POLRMT: variants seen among roughly 807,000 people sequenced by gnomAD.
POLRMT encodes the protein DNA-directed RNA polymerase, mitochondrial.
In POLRMT, 114 loss-of-function variants were observed where a neutral mutation model predicts 132.2. The observed-to-expected ratio is 0.86, with a 90% CI of 0.74 to 1.01. The LOEUF (loss-of-function observed/expected upper bound fraction) is 1.01. POLRMT is among the 50% of genes least tolerant of loss of function. The probability of loss-of-function intolerance (pLI) is 0.00; values close to 1 mark genes in which losing one functional copy is unlikely to be tolerated. For synonymous variants in POLRMT, 1,020 were observed against 773.4 expected, an observed-to-expected ratio of 1.32 and a Z score of -5.29; for missense variants, 2,003 against 1,729.1, an observed-to-expected ratio of 1.16 and a Z score of -2.81.
chr19:617,858 G>A lies in POLRMT; in HGVS notation c.3423-9C>T, dbSNP rs778496835. The A allele has an allele frequency of 5.0e-6, 8 of 1,612,768 alleles. No individual in the cohort carries two copies. Among genetic ancestry groups the A allele is most frequent in the African/African-American group, 1.3e-5 (1 of 75,008 alleles). On this transcript the variant is annotated splice_polypyrimidine_tract_variant and intron_variant, in intron 17 of 20. Coordinates refer to ENST00000588649, the MANE Select transcript of POLRMT (RefSeq NM_005035.4). ...CGAAGGTCAGGCCCTTCCTGTGGCA[G>A]AGCGGAGGACTCCTGAAGGGAGGGG...
chr19:619,164 A>G (rs760618086), intron 14 of POLRMT, 46 bp downstream of exon 14: 26 of 1,609,800 alleles, frequency 1.6e-5, no homozygotes, highest in African/African-American at 4.0e-5. Context: ...GATCCCGTCC[A>G]CTTGCTTAGG....
chr19:619,291 G>A lies in POLRMT; in HGVS notation c.3072C>T (p.Phe1024=), dbSNP rs758835358. 9.8e-5 allele frequency: 157 copies of A among 1,608,052 alleles called. No individual in the cohort carries two copies. Among genetic ancestry groups the A allele is most frequent in the Non-Finnish European group, 1.2e-4 (137 of 1,179,216 alleles). ...CGAGATAGTGAGAGGCCTCCCACAC[G>A]AACTCCTGCAGAGGGCGGGCAGCAG... is the stretch of plus-strand genomic sequence containing the variant. ...LRELSDFPQE[F]VWEASHYLVR... is the part of the protein sequence containing the mutation. Residue 1024 remains phenylalanine (F), a synonymous_variant, in exon 14 of 21, where the codon TTC becomes TTT. Coordinates refer to ENST00000588649, the MANE Select transcript of POLRMT (RefSeq NM_005035.4).
rs138732981 is a variant in POLRMT at position 624,894 on chromosome 19, T to A, written c.965A>T (p.Gln322Leu). The change falls in exon 5 of 21, where the codon CAG (glutamine) becomes CTG (leucine). Residue 322 changes from glutamine to leucine, a missense_variant. Physicochemically the swap from Gln to Leu is moderately radical, Grantham distance 113 (BLOSUM62 -2). Coordinates refer to ENST00000588649, the MANE Select transcript of POLRMT (RefSeq NM_005035.4). ...DAGTIERCLE[Q>L]MSQEGLKLQA... ...CAGCTTCAGCCCCTCCTGGCTCATC[T>A]GTTCCAGACACCTGTGGTGCAGGCG... 0.012 allele frequency: 19,421 copies of A among 1,610,086 alleles called. 136 individuals are homozygous for A. The highest frequency in any genetic ancestry group is 0.014 in the Non-Finnish European group (16,115 of 1,177,952).
chr19:632,881 T>C lies in POLRMT; in HGVS notation c.146A>G (p.Gln49Arg). The C allele has an allele frequency of 6.4e-7, 1 of 1,551,400 alleles. No individual in the cohort carries two copies. Among genetic ancestry groups the C allele is most frequent in the South Asian group, 1.2e-5 (1 of 85,118 alleles). The change falls in exon 2 of 21, where the codon CAA (glutamine) becomes CGA (arginine). Residue 49 changes from glutamine to arginine, a missense_variant. Physicochemically the swap from Gln to Arg is conservative, Grantham distance 43. Transcript: ENST00000588649. ...CCAGTCCTTCCTGCGGTCTTGGTCT[T>C]GCTCCTGGGGGCTGGCGGACGAGCT... ...RRSSSASPQEQDQDRRKDWGH... is the reference protein window; with the variant it reads ...RRSSSASPQERDQDRRKDWGH...
Position 621,274 on chromosome 19 carries a change from G to A in POLRMT, c.2424C>T (p.Pro808=), listed in dbSNP as rs1335777972. 5 of 1,607,146 alleles carry A rather than the reference G, an allele frequency of 3.1e-6. No homozygotes were observed. The highest frequency in any genetic ancestry group is 2.2e-5 in the East Asian group (1 of 44,754). Residue 808 remains proline, a synonymous_variant, in exon 10 of 21, where the codon CCC becomes CCT. Coordinates refer to ENST00000588649, the MANE Select transcript of POLRMT (RefSeq NM_005035.4). ...CCAGGTGGTTGAAGTGCGGCGGGCA[G>A]GGGTAGGTGCGGCCGCGGAAGTCCA... ...HNMDFRGRTY[P]CPPHFNHLGS...
At position 622,692 on chromosome 19, in the gene POLRMT, C is replaced by G; in HGVS notation, c.1516G>C (p.Ala506Pro). ...ACCACGTGCCGGCTGAAAGTGCGCG[C>G]ACTCAGCTCCCGGGCCAGGGTGGTG... ...SFTTLARELS[A>P]RTFSRHVVQR... The change falls in exon 8 of 21, where the codon GCG becomes CCG. Residue 506 changes from alanine to proline, a missense_variant. Coordinates refer to ENST00000588649, the MANE Select transcript of POLRMT (RefSeq NM_005035.4). 6.2e-7 allele frequency: 1 copy of G among 1,604,794 alleles called. No homozygotes were observed. Among genetic ancestry groups the G allele is most frequent in the Non-Finnish European group, 8.5e-7 (1 of 1,176,990 alleles).
intron 6 of POLRMT, 124 bp from the exon 7 acceptor site, chr19:623,109 C>T (rs1362778788): frequency 2.4e-6 from 3 of 1,247,478 alleles, no homozygotes; most frequent in Non-Finnish European, 3.3e-6. Flanking sequence ...CTGTGTGTTC[C>T]GGGTAGCTCC....
intron 17 of POLRMT, chr19:618,124 C>G: frequency 1.8e-6 from 1 of 569,656 alleles, no homozygotes; most frequent in Admixed American, 3.1e-5. Flanking sequence ...CTACGAGGTC[C>G]CCTCCTGCCA....
At chr19:622,773 T>C in intron 7 of POLRMT, 21 bp from the exon 8 acceptor site, 1 of 1,565,526 alleles carries the variant, frequency 6.4e-7, no homozygotes. Flanking sequence ...CAGCCGTGAG[T>C]GCCTGCCCGC....
At chr19:628,631 TGG>T (rs34236901) in intron 3 of POLRMT, among the ~76,000 whole-genome samples, 3 of 150,888 alleles carry the variant, frequency 2.0e-5, no homozygotes, top group African/African-American at 7.4e-5. Flanking sequence ...TGAAGGATCA[TGG>T]GGGGGGAGAA....
At chr19:620,219 G>A in intron 11 of POLRMT, 139 bp from the exon 12 acceptor site, 4 of 1,452,570 alleles carry the variant, frequency 2.8e-6, no homozygotes, top group Non-Finnish European at 2.7e-6. Context: ...CACGCTCCCG[G>A]GAGAGACCAG....
chr19:623,053 G>A (rs1410981324), intron 6 of POLRMT, 68 bp from the exon 7 acceptor site: 8 of 1,550,226 alleles, frequency 5.2e-6, no homozygotes, highest in East Asian at 2.3e-5. Flanking sequence ...CAGGACGGGG[G>A]TCACCGCAGC....
chr19:629,763 C>T lies in POLRMT; in HGVS notation c.599G>A (p.Gly200Glu), dbSNP rs1336884982. 1.9e-6 allele frequency: 3 copies of T among 1,569,084 alleles called. No individual in the cohort carries two copies. Among genetic ancestry groups the T allele is most frequent in the South Asian group, 1.2e-5 (1 of 85,626 alleles). The change falls in exon 3 of 21, where the codon GGG (glycine) becomes GAG (glutamate). Residue 200 changes from glycine (G) to glutamate (E), a missense_variant. Transcript: ENST00000588649. ...CTGCTCCACATCGAGGCTCAGCTTC[C>T]CAGGGGCCTCCTGCAGCAGCCGGGC... ...QLARLLQEAP[G>E]KLSLDVEQAP...
At chr19:618,010 C>G (rs1464082675) in intron 17 of POLRMT, 161 bp from the exon 18 acceptor site, 1 of 648,114 alleles carries the variant, frequency 1.5e-6, no homozygotes, top group African/African-American at 1.8e-5. Flanking sequence ...CCCAAACATC[C>G]TGGGTTAGGT....
chr19:626,774 C>T (rs568113832), intron 3 of POLRMT, among the ~76,000 whole-genome samples: 1 of 150,346 alleles, frequency 6.7e-6, no homozygotes, highest in East Asian at 2.0e-4. Flanking sequence ...GCAGGAGAAT[C>T]ACTTGAACGC....
rs1279239390 is a variant in POLRMT, at chr19:633,445, G to A, written c.68C>T (p.Pro23Leu). The change falls in exon 1 of 21, where the codon CCG becomes CTG. Residue 23 changes from proline to leucine, a missense_variant. Coordinates refer to ENST00000588649, the MANE Select transcript of POLRMT (RefSeq NM_005035.4). ...LKRALRPCGRPGLPGKEGTAG... is the reference protein window; with the variant it reads ...LKRALRPCGRLGLPGKEGTAG... Reference sequence around the variant, plus strand: ...GTTACCTTCTTTGCCGGGGAGTCCCGGGCGGCCGCAAGGCCGTAGGGCTCG... The same window carrying A: ...GTTACCTTCTTTGCCGGGGAGTCCCAGGCGGCCGCAAGGCCGTAGGGCTCG... The A allele has an allele frequency of 1.9e-6, 3 of 1,556,004 alleles. No individual in the cohort carries two copies. Among genetic ancestry groups the A allele is most frequent in the East Asian group, 2.5e-5 (1 of 40,126 alleles).
At position 619,506 on chromosome 19, in the gene POLRMT, G is replaced by T. The variant is rs1280835389; in HGVS notation, c.3066+80C>A. ...GGAGCAGCCAGGGCTCCTGCTGGGAGGCTGGGTCGGGGGCACACCCGTCTG... is the reference window on the plus strand; with the variant it reads ...GGAGCAGCCAGGGCTCCTGCTGGGATGCTGGGTCGGGGGCACACCCGTCTG... On this transcript the variant is annotated intron_variant, in intron 13 of 20. Transcript: ENST00000588649. 9 of 1,553,168 alleles carry T rather than the reference G, an allele frequency of 5.8e-6. No individual in the cohort carries two copies. In the South Asian group the frequency reaches 8.0e-5, roughly 14 times the overall value.
chr19:629,118 G>C (rs137990993), intron 3 of POLRMT, among the ~76,000 whole-genome samples: 1 of 152,110 alleles, frequency 6.6e-6, no homozygotes, highest in East Asian at 1.9e-4. Flanking sequence ...GAGGGAATGC[G>C]GCGCCAGTGA....
rs895063176 is a variant in POLRMT at position 618,572 on chromosome 19, CGT to C, written c.3336_3337del (p.Arg1113Ter). 2.5e-6 allele frequency: 4 copies of C among 1,613,000 alleles called. No individual in the cohort carries two copies. The highest frequency in any genetic ancestry group is 2.2e-5 in the South Asian group (2 of 90,992). On this transcript the variant is annotated frameshift_variant, in exon 17 of 21. Coordinates refer to ENST00000588649, the MANE Select transcript of POLRMT (RefSeq NM_005035.4). LOFTEE classifies it high-confidence loss of function. ...GGGCGGGAAGCCGTTCTTCTGCTTA[CGT>C]GTGTTGGGCTTTCTGAGGACGGAAC... is the stretch of plus-strand genomic sequence containing the variant.
Sources: allele counts gnomAD v4.1 joint callset (sites outside exome capture counted in the v4.1 genomes callset), GRCh38; gene constraint gnomAD v4.1.1; transcripts MANE v1.5; gene names NCBI Gene and HGNC (gene_info 2026-07-23, HGNC 2026-07-21).